The following TRPM4 variants were observed in gnomAD, a reference collection of about 807,000 sequenced individuals.
The protein encoded by TRPM4 is calcium-activated non-selective cation channel 1.
Under a neutral mutation model 135.6 loss-of-function variants are expected in TRPM4, and 124 were observed. That is an observed-to-expected ratio of 0.91 (90% CI 0.79 to 1.06). The LOEUF (loss-of-function observed/expected upper bound fraction) is 1.06. Among genes scored for constraint, TRPM4 ranks in the 50% least tolerant of loss-of-function variants. TRPM4 has a pLI of 0.00. For missense variants in TRPM4, 1,658 were observed against 1,671.4 expected, an observed-to-expected ratio of 0.99 and a Z score of 0.14; for synonymous variants, 745 against 705.6, an observed-to-expected ratio of 1.06 and a Z score of -0.88.
chr19:49,168,503 CCTT>C, intron 5 of TRPM4, 47 bp from the exon 6 acceptor site: 2 of 1,613,630 alleles, frequency 1.2e-6, no homozygotes, highest in Non-Finnish European at 1.7e-6. Context: ...TCGTGTTTGT[CCTT>C]CTGGCCCCGA....
Position 49,188,629 on chromosome 19 carries a change from T to C in TRPM4, c.1744-12T>C. 1.2e-6 allele frequency: 2 copies of C among 1,614,210 alleles called. No homozygotes were observed. Among genetic ancestry groups the C allele is most frequent in the South Asian group, 2.2e-5 (2 of 91,086 alleles). On this transcript the variant is annotated splice_polypyrimidine_tract_variant and intron_variant, in intron 12 of 24. Transcript: ENST00000252826. ...CCTCTTTGACGCATCCGTGCCCTCT[T>C]TGTCTCTCCAGGGTTCCAATGCAGT...
At chr19:49,179,105 G>C (rs1280578329) in intron 9 of TRPM4, among the ~76,000 whole-genome samples, 2 of 151,524 alleles carry the variant, frequency 1.3e-5, no homozygotes, top group African/African-American at 4.9e-5. Context: ...GCCCAGGCTG[G>C]AGTGCAATGG....
chr19:49,174,303 C>T (rs1967590012), intron 9 of TRPM4, among the ~76,000 whole-genome samples: 1 of 152,154 alleles, frequency 6.6e-6, no homozygotes, highest in South Asian at 2.1e-4. Flanking sequence ...CAGGCACGTG[C>T]CATCATGCCC....
intron 20 of TRPM4, 135 bp downstream of exon 20, chr19:49,202,276 A>G (rs562898126): frequency 2.9e-6 from 3 of 1,045,000 alleles, no homozygotes; most frequent in Non-Finnish European, 4.4e-6. Context: ...CTTCTCCCCA[A>G]ACCCAACCAG....
rs2145997174 is a variant in TRPM4, at chr19:49,210,509, G to T, written c.3328+104G>T. 2 of 1,476,674 alleles carry T rather than the reference G, an allele frequency of 1.4e-6. No individual in the cohort carries two copies. Among genetic ancestry groups the T allele is most frequent in the Non-Finnish European group, 1.9e-6 (2 of 1,079,558 alleles). The allele number at this position is 1,476,674 out of a possible 1,614,324, so 91.5% of individuals were successfully genotyped here. A position where few individuals can be genotyped will look rare whatever the true frequency, so the allele number is the denominator to read the frequency against. On this transcript the variant is annotated intron_variant, in intron 21 of 24. Transcript: ENST00000252826. The surrounding 1 kb of genome is among the most constrained non-coding windows in gnomAD (Gnocchi z 4.1). ...CAAATGACTAACGGGCGTGGCTTAG[G>T]TAGCGAGGGGCGGGGTTTAAGCAAC...
intron 16 of TRPM4, 56 bp from the exon 17 acceptor site, chr19:49,196,384 A>G (rs532366371): frequency 1.4e-6 from 2 of 1,448,382 alleles, no homozygotes; most frequent in East Asian, 2.5e-5. Flanking sequence ...GATGGTGGAG[A>G]TCAGGACTCA....
chr19:49,177,312 G>A (rs1244608202), intron 9 of TRPM4, among the ~76,000 whole-genome samples: 1 of 151,172 alleles, frequency 6.6e-6, no homozygotes, highest in Non-Finnish European at 1.5e-5. Flanking sequence ...AGAAAGAAGG[G>A]CAAGGTCATG....
At chr19:49,204,163 G>A (rs1206285558) in intron 20 of TRPM4, among the ~76,000 whole-genome samples, 1 of 152,152 alleles carries the variant, frequency 6.6e-6, no homozygotes, top group African/African-American at 2.4e-5. Flanking sequence ...ATCTGTTGAT[G>A]AACACTTGGG....
chr19:49,182,289 T>C (rs1345492864), intron 10 of TRPM4, among the ~76,000 whole-genome samples: 1 of 125,106 alleles, frequency 8.0e-6, no homozygotes, highest in Non-Finnish European at 1.7e-5. Context: ...TCCATCTACC[T>C]ATCCGTTCAT....
At chr19:49,182,238 ATCCATCCATCCATCTG>A (rs1390703352) in intron 10 of TRPM4, among the ~76,000 whole-genome samples, 1 of 86,904 alleles carries the variant, frequency 1.2e-5, no homozygotes, top group African/African-American at 5.5e-5. Flanking sequence ...CCATCCATCT[ATCCATCCATCCATCTG>A]TCCATCCATT....
chr19:49,195,211 G>A (rs543421369), intron 16 of TRPM4, among the ~76,000 whole-genome samples: 12 of 151,998 alleles, frequency 7.9e-5, no homozygotes, highest in Admixed American at 3.9e-4. Flanking sequence ...TTCAAATATT[G>A]TCATCACTCC....
At chr19:49,161,385 C>T (rs1185308486) in intron 2 of TRPM4, among the ~76,000 whole-genome samples, 7 of 137,278 alleles carry the variant, frequency 5.1e-5, no homozygotes, top group African/African-American at 1.6e-4. Flanking sequence ...TGGAGTGGCA[C>T]GATCATGGTT....
At chr19:49,198,829 G>C (rs1968800454) in intron 17 of TRPM4, among the ~76,000 whole-genome samples, 2 of 151,786 alleles carry the variant, frequency 1.3e-5, no homozygotes, top group African/African-American at 4.8e-5. Flanking sequence ...AAACTCCAGG[G>C]CTCAAGCAAT....
Position 49,210,707 on chromosome 19 carries a change from C to A in TRPM4, c.3329-3C>A. The A allele has an allele frequency of 6.2e-7, 1 of 1,614,102 alleles. No individual in the cohort carries two copies. The highest frequency in any genetic ancestry group is 8.5e-7 in the Non-Finnish European group (1 of 1,180,034). The stretch of plus-strand genomic sequence containing the variant: ...AGCCCTTTGACTCCGCCCGCCCCTG[C>A]AGGGGTTTACCTTTCTAAGGAAGCC... On this transcript the variant is annotated splice_polypyrimidine_tract_variant and splice_region_variant and intron_variant, in intron 21 of 24. Coordinates refer to ENST00000252826, the MANE Select transcript of TRPM4 (RefSeq NM_017636.4). The surrounding 1 kb of genome is among the most constrained non-coding windows in gnomAD (Gnocchi z 4.1).
intron 14 of TRPM4, 63 bp from the exon 15 acceptor site, chr19:49,190,145 T>C (rs1013410966): frequency 7.1e-7 from 1 of 1,400,440 alleles, no homozygotes; most frequent in Non-Finnish European, 1.0e-6. Flanking sequence ...CAACCCTTGC[T>C]GGGCGTCTTA....
intron 4 of TRPM4, 75 bp from the exon 5 acceptor site, chr19:49,168,185 A>AGG: frequency 6.5e-7 from 1 of 1,543,388 alleles, no homozygotes; most frequent in Non-Finnish European, 8.9e-7. Flanking sequence ...CCCGCCGCCC[A>AGG]GTGTGTGTGT....
At chr19:49,197,338 TTC>T (rs1322005191) in intron 17 of TRPM4, among the ~76,000 whole-genome samples, 5 of 131,298 alleles carry the variant, frequency 3.8e-5, no homozygotes, top group South Asian at 2.2e-4. Context: ...CTTTCTTTCT[TTC>T]TTTCTTTCTT....
intron 6 of TRPM4, among the ~76,000 whole-genome samples, chr19:49,170,147 A>G (rs897231889): frequency 2.6e-5 from 4 of 152,204 alleles, no homozygotes; most frequent in African/African-American, 7.2e-5. Flanking sequence ...TCAAAACTCC[A>G]GGATGAATAC....
intron 20 of TRPM4, among the ~76,000 whole-genome samples, chr19:49,205,526 CTTTTTTTTTTTTT>C (rs576873516): frequency 2.4e-5 from 3 of 126,984 alleles, no homozygotes; most frequent in African/African-American, 5.7e-5. Flanking sequence ...ATGACTTCAA[CTTTTTTTTTTTTT>C]TTTTTTTTTT....
Sources: gnomAD v4.1 joint callset for allele counts (sites outside exome capture counted in the v4.1 genomes callset) on GRCh38, gnomAD v4.1.1 for gene constraint, Gnocchi (gnomAD v3.1) non-coding constraint, MANE v1.5 for transcripts, NCBI Gene and HGNC (gene_info 2026-07-23, HGNC 2026-07-21) for gene names.